Variants in SEMA5A observed in about 807,000 individuals in gnomAD.
SEMA5A encodes semaphorin-5A.
In SEMA5A, 55 loss-of-function variants were observed where a neutral mutation model predicts 135.5. The ratio of observed to expected loss-of-function variants is 0.41; its 90% confidence interval spans 0.33 to 0.51. The LOEUF (loss-of-function observed/expected upper bound fraction) is 0.51, where lower values mean the gene tolerates loss of function less well. Ranked by LOEUF, SEMA5A falls within the 20% of genes least tolerant of loss-of-function variation. The probability of loss-of-function intolerance (pLI) is 0.37; values close to 1 mark genes in which losing one functional copy is unlikely to be tolerated. For synonymous variants in SEMA5A, 580 were observed against 546.5 expected (o/e 1.06, Z -0.85); for missense variants, 1,290 against 1,419.9 (o/e 0.91, Z 1.47).
At chr5:9,119,445 T>C (rs1263926138) in intron 14 of SEMA5A, among the ~76,000 whole-genome samples, 1 of 152,146 alleles carries the variant, frequency 6.6e-6, no homozygotes, top group Non-Finnish European at 1.5e-5. Flanking sequence ...AATATTAAAC[T>C]AATAAAGAAT....
At chr5:9,164,377 A>C (rs1743492016) in intron 11 of SEMA5A, among the ~76,000 whole-genome samples, 1 of 148,372 alleles carries the variant, frequency 6.7e-6, no homozygotes, top group Non-Finnish European at 1.5e-5. Flanking sequence ...TGTTAAGCGC[A>C]ATTTAAAAAC....
intron 2 of SEMA5A, among the ~76,000 whole-genome samples, chr5:9,389,941 G>C (rs1031743150): frequency 6.6e-6 from 1 of 152,138 alleles, no homozygotes. Context: ...GATAGTACTG[G>C]ACATAGTGCA....
At chr5:9,299,625 C>T (rs1005704407) in intron 5 of SEMA5A, among the ~76,000 whole-genome samples, 7 of 152,164 alleles carry the variant, frequency 4.6e-5, no homozygotes, top group Admixed American at 4.6e-4. Flanking sequence ...CAGATGTCAA[C>T]TTTAAGCATC....
intron 4 of SEMA5A, among the ~76,000 whole-genome samples, chr5:9,329,128 T>C (rs1753003238): frequency 6.6e-6 from 1 of 152,178 alleles, no homozygotes; most frequent in Non-Finnish European, 1.5e-5. Context: ...ACCTTCTCTA[T>C]GCAGCCTCTT....
At chr5:9,387,153 C>A (rs998414948) in intron 2 of SEMA5A, among the ~76,000 whole-genome samples, 2 of 152,220 alleles carry the variant, frequency 1.3e-5, no homozygotes, top group Non-Finnish European at 2.9e-5. Context: ...GCTCTCTGCT[C>A]AGGCTTCTAA....
intron 5 of SEMA5A, among the ~76,000 whole-genome samples, chr5:9,276,703 CA>C (rs1259128477): frequency 6.6e-6 from 1 of 152,114 alleles, no homozygotes; most frequent in Non-Finnish European, 1.5e-5. Context: ...CAACAACAAA[CA>C]ATGGGGAAAG....
At chr5:9,524,399 C>A (rs1737010723) in intron 1 of SEMA5A, among the ~76,000 whole-genome samples, 1 of 152,130 alleles carries the variant, frequency 6.6e-6, no homozygotes, top group South Asian at 2.1e-4. Flanking sequence ...CACATGAAGG[C>A]AGAGACACAC....
At chr5:9,478,206 G>A (rs1759743447) in intron 1 of SEMA5A, among the ~76,000 whole-genome samples, 1 of 152,234 alleles carries the variant, frequency 6.6e-6, no homozygotes, top group Admixed American at 6.5e-5. Flanking sequence ...TTCAGAGGAT[G>A]TATGGAAACA....
chr5:9,240,548 C>T (rs1026499027), intron 5 of SEMA5A, among the ~76,000 whole-genome samples: 1 of 151,592 alleles, frequency 6.6e-6, no homozygotes, highest in African/African-American at 2.4e-5. Context: ...CATCACTTGA[C>T]AGACATGAAA....
At chr5:9,349,128 G>C (rs1754002248) in intron 3 of SEMA5A, among the ~76,000 whole-genome samples, 2 of 152,216 alleles carry the variant, frequency 1.3e-5, no homozygotes, top group Admixed American at 1.3e-4. Flanking sequence ...GTCATGCAAG[G>C]AAGGCTTCTT....
At chr5:9,111,947 G>GC (rs1740265824) in intron 15 of SEMA5A, among the ~76,000 whole-genome samples, 1 of 148,040 alleles carries the variant, frequency 6.8e-6, no homozygotes, top group African/African-American at 2.5e-5. Flanking sequence ...TGCTGGTTAA[G>GC]GGTTTTAAAA....
chr5:9,045,900 T>C (rs1736224041), intron 21 of SEMA5A: 1 of 152,230 alleles, frequency 6.6e-6, no homozygotes, highest in Non-Finnish European at 1.5e-5. Flanking sequence ...TACCAAGACC[T>C]GTGTTATGTC....
chr5:9,151,266 A>T (rs1376002336), intron 12 of SEMA5A, among the ~76,000 whole-genome samples: 1 of 152,210 alleles, frequency 6.6e-6, no homozygotes, highest in Admixed American at 6.5e-5. Flanking sequence ...GACTCAAGAA[A>T]ATTAAACATG....
chr5:9,097,870 CA>C (rs1739408752), intron 16 of SEMA5A, among the ~76,000 whole-genome samples: 2 of 152,140 alleles, frequency 1.3e-5, no homozygotes, highest in Admixed American at 1.3e-4. Context: ...TTGCACAACA[CA>C]AAAAGGGAGT....
At chr5:9,432,875 T>C (rs2126660234) in intron 2 of SEMA5A, among the ~76,000 whole-genome samples, 2 of 152,340 alleles carry the variant, frequency 1.3e-5, no homozygotes, top group South Asian at 4.1e-4. Context: ...GATTTAATCA[T>C]GGTTAATATA....
intron 5 of SEMA5A, among the ~76,000 whole-genome samples, chr5:9,299,700 G>A (rs1203296947): frequency 6.6e-6 from 1 of 152,166 alleles, no homozygotes; most frequent in Non-Finnish European, 1.5e-5. Flanking sequence ...AACAGGTTTT[G>A]GGAAGGAGGC....
intron 5 of SEMA5A, among the ~76,000 whole-genome samples, chr5:9,305,963 T>C (rs1473677999): frequency 6.6e-6 from 1 of 152,168 alleles, no homozygotes; most frequent in Non-Finnish European, 1.5e-5. Context: ...GGGTTCTAAC[T>C]GCTTCTTCCA....
At chr5:9,345,053 C>T (rs1258729785) in intron 3 of SEMA5A, among the ~76,000 whole-genome samples, 1 of 152,170 alleles carries the variant, frequency 6.6e-6, no homozygotes, top group African/African-American at 2.4e-5. Flanking sequence ...TGAACCTCAC[C>T]TAACACCGGC....
chr5:9,224,680 G>C lies in SEMA5A; in HGVS notation c.640C>G (p.Leu214Val), dbSNP rs1283377897. The change falls in exon 8 of 23, where the codon CTC becomes GTC. Residue 214 changes from leucine (L) to valine (V), a missense_variant. By Grantham distance (32) the Leu-to-Val change is conservative. Coordinates refer to ENST00000382496, the MANE Select transcript of SEMA5A (RefSeq NM_003966.3). ...GGAGTGACGGAAGGCTTACCATTGA[G>C]CCATTTGGAGTTGTACTGCGCCGTG... ...LRTAQYNSKW[L>V]NEPNFVSSYD... The C allele has an allele frequency of 6.2e-7, 1 of 1,613,960 alleles. No homozygotes were observed. Among genetic ancestry groups the C allele is most frequent in the Admixed American group, 1.7e-5 (1 of 59,998 alleles).
Sources: gnomAD v4.1 joint callset for allele counts (sites outside exome capture counted in the v4.1 genomes callset) on GRCh38, gnomAD v4.1.1 for gene constraint, MANE v1.5 for transcripts, NCBI Gene and HGNC (gene_info 2026-07-23, HGNC 2026-07-21) for gene names.